Variants in PSPC1 observed in about 807,000 individuals in gnomAD.
PSPC1 encodes the protein paraspeckle component 1, also known as paraspeckle protein 1.
A neutral mutation model predicts 51.6 loss-of-function variants in PSPC1; 14 were observed. The ratio of observed to expected loss-of-function variants is 0.27; its 90% CI spans 0.18 to 0.42. The LOEUF (loss-of-function observed/expected upper bound fraction) is 0.42, where lower values mean the gene tolerates loss of function less well. PSPC1 is among the 10% of genes least tolerant of loss of function. The pLI, the probability that PSPC1 is intolerant of heterozygous loss-of-function variation, is 1.00. For missense variants in PSPC1, 406 were observed against 701.1 expected (o/e 0.58, Z 4.75); for synonymous variants, 193 against 231.9 (o/e 0.83, Z 1.53).
intron 2 of PSPC1, among the ~76,000 whole-genome samples, chr13:19,766,353 AC>A (rs1411229042): frequency 1.3e-5 from 2 of 152,156 alleles, no homozygotes; most frequent in African/African-American, 4.8e-5. Context: ...ACCCTGAGTG[AC>A]AGAGTGAGAC....
In PSPC1 at chr13:19,705,942, C is replaced by T. The variant is rs1033709403; in HGVS notation, c.1217-111G>A. 4.9e-5 allele frequency: 46 copies of T among 948,096 alleles called. No individual in the cohort carries two copies. The Admixed American group carries it at 7.4e-4, about 15-fold the overall frequency. 58.7% of individuals were successfully genotyped at this position (948,096 alleles called of 1,614,324 possible). Reference sequence around the variant, plus strand: ...CCAAGACCATTATCAAAATTATTTTCGCTCCTTAAGAATGCGATATGCGTT... The same window carrying T: ...CCAAGACCATTATCAAAATTATTTTTGCTCCTTAAGAATGCGATATGCGTT... On this transcript the variant is annotated intron_variant, in intron 7 of 8. Coordinates refer to ENST00000338910, the MANE Select transcript of PSPC1 (RefSeq NM_001354909.2).
At chr13:19,685,202 G>A (rs76500256) in intron 6 of PSPC1, among the ~76,000 whole-genome samples, 1,641 of 152,286 alleles carry the variant, frequency 0.011, 28 homozygotes, top group African/African-American at 0.038. Context: ...ATGGCACTGC[G>A]CCACATCAGA....
intron 1 of PSPC1, among the ~76,000 whole-genome samples, chr13:19,774,805 C>CAAAAAA (rs748014285): frequency 1.8e-5 from 1 of 56,018 alleles, no homozygotes; most frequent in Non-Finnish European, 3.7e-5. Context: ...ACTCTGTGTC[C>CAAAAAA]AAAAAAAAAA....
intron 1 of PSPC1, among the ~76,000 whole-genome samples, chr13:19,781,725 G>A (rs1889989349): frequency 6.6e-6 from 1 of 152,132 alleles, no homozygotes; most frequent in Admixed American, 6.6e-5. Flanking sequence ...AGGATCGCTC[G>A]TGCTCAGGAG....
rs1010481559 is a variant in PSPC1, at chr13:19,730,476, T to A, written c.1053-132A>T. ...CCTGTAATCACGACTGACCACGGCA[T>A]CCTAAATTTACCTTCCTTCTATGTC... On this transcript the variant is annotated intron_variant, in intron 5 of 8. Transcript: ENST00000338910. 5.8e-5 allele frequency: 43 copies of A among 743,606 alleles called. No homozygotes were observed. In the African/African-American group the frequency reaches 6.9e-4, roughly 12 times the overall value. The allele number at this position is 743,606 out of a possible 1,614,324, so 46.1% of individuals were successfully genotyped here.
At chr13:19,691,050 AT>A (rs1456672467) in intron 6 of PSPC1, among the ~76,000 whole-genome samples, 2 of 152,216 alleles carry the variant, frequency 1.3e-5, no homozygotes, top group African/African-American at 4.8e-5. Context: ...AAAATGTTCA[AT>A]AAAAATTTAT....
chr13:19,723,095 A>G (rs1882969816), intron 6 of PSPC1, among the ~76,000 whole-genome samples: 1 of 152,202 alleles, frequency 6.6e-6, no homozygotes. Context: ...TGGGCAACAG[A>G]GCAAGACTCC....
intron 5 of PSPC1, among the ~76,000 whole-genome samples, chr13:19,734,988 AC>A (rs1201073976): frequency 1.3e-5 from 1 of 75,914 alleles, no homozygotes; most frequent in Non-Finnish European, 4.0e-5. Context: ...AAAAAATCAA[AC>A]AAACAAACAA....
intron 4 of PSPC1, among the ~76,000 whole-genome samples, chr13:19,742,000 C>T (rs569561882): frequency 2.6e-5 from 4 of 152,020 alleles, no homozygotes; most frequent in South Asian, 2.1e-4. Context: ...GGCATGGTGG[C>T]GCGCGCCTGT....
rs926733735 is a variant in PSPC1 at position 19,677,050 on chromosome 13, C to T, written c.*76+674G>A. ...GAGATCGAGACCATCCTGGCTAACA[C>T]AGTGAAACCCCGTCTCTACTAAAAA... On this transcript the variant is annotated intron_variant and NMD_transcript_variant, in intron 7 of 7. Coordinates refer to the PSPC1 transcript ENST00000471658. Among the ~76,000 whole-genome samples the T allele has an allele frequency of 3.3e-5, 5 of 152,090 alleles. No homozygotes were observed. In the South Asian group the frequency reaches 6.2e-4, roughly 19 times the overall value.
At chr13:19,769,274 G>A (rs994481633) in intron 2 of PSPC1, among the ~76,000 whole-genome samples, 1 of 151,328 alleles carries the variant, frequency 6.6e-6, no homozygotes, top group Admixed American at 6.6e-5. Context: ...CCCGTCTAAC[G>A]GCCGGGCGCA....
intron 4 of PSPC1, among the ~76,000 whole-genome samples, chr13:19,742,747 T>C (rs540257487): frequency 6.6e-6 from 1 of 152,114 alleles, no homozygotes; most frequent in Admixed American, 6.6e-5. Flanking sequence ...TAAAATAAAA[T>C]AACAAATTGT....
intron 6 of PSPC1, among the ~76,000 whole-genome samples, chr13:19,715,185 A>G (rs7332934): frequency 0.97 from 146,946 of 152,256 alleles, 71,163 homozygotes; most frequent in East Asian, 1. Flanking sequence ...GGACTTTGGC[A>G]CCCTCAATAA....
chr13:19,707,928 G>C (rs549824717), intron 7 of PSPC1, among the ~76,000 whole-genome samples: 11 of 150,326 alleles, frequency 7.3e-5, no homozygotes, highest in African/African-American at 2.5e-4. Flanking sequence ...CTTAAAAAAA[G>C]ACATAAATAT....
At chr13:19,671,728 A>T (rs1252090238), downstream of PSPC1, 10 of 986,656 alleles carry the variant, frequency 1.0e-5, no homozygotes, top group Admixed American at 2.1e-4. Context: ...CAACTTGAAA[A>T]TATTGCCAAA....
At chr13:19,732,480 G>A (rs1884238987) in intron 5 of PSPC1, among the ~76,000 whole-genome samples, 1 of 152,008 alleles carries the variant, frequency 6.6e-6, no homozygotes, top group African/African-American at 2.4e-5. Context: ...GTGGGATCTG[G>A]GGCAGCACCC....
At chr13:19,680,694 C>T (rs1877172463) in intron 6 of PSPC1, among the ~76,000 whole-genome samples, 1 of 152,148 alleles carries the variant, frequency 6.6e-6, no homozygotes, top group East Asian at 1.9e-4. Context: ...CTATATGACA[C>T]CATCTTGAAC....
At chr13:19,716,284 T>G (rs568503468) in intron 6 of PSPC1, among the ~76,000 whole-genome samples, 1 of 152,262 alleles carries the variant, frequency 6.6e-6, no homozygotes, top group Admixed American at 6.5e-5. Context: ...ATAACCTAAT[T>G]TAAAGGAATG....
rs1328207264 is a variant in PSPC1, at chr13:19,705,810, G to A, written c.1238C>T (p.Ala413Val). 2.5e-6 allele frequency: 4 copies of A among 1,612,654 alleles called. No individual in the cohort carries two copies. The Admixed American group carries it at 5.0e-5, about 20-fold the overall frequency. ...CATTGGAGGAGGACCTTGGTTACCA[G>A]CAGGGGCTGGGCTAAACGCATCTAT... ...NMGDAFSPAP[A>V]GNQGPPPMMG... Residue 413 changes from alanine to valine, a missense_variant, in exon 8 of 9, where the codon GCT becomes GTT. Ala to Val is a moderately conservative substitution (Grantham distance 64). Coordinates refer to ENST00000338910, the MANE Select transcript of PSPC1 (RefSeq NM_001354909.2).
Sources: allele counts gnomAD v4.1 joint callset (sites outside exome capture counted in the v4.1 genomes callset), GRCh38; gene constraint gnomAD v4.1.1; transcripts MANE v1.5; gene names NCBI Gene and HGNC (gene_info 2026-07-23, HGNC 2026-07-21).